The following KRT33A variants were observed in gnomAD, a reference collection of about 807,000 sequenced individuals.
KRT33A encodes keratin 33A, also known as keratin, type I cuticular Ha3-I.
A neutral mutation model predicts 41.1 loss-of-function variants in KRT33A; 44 were observed. That is an observed-to-expected ratio of 1.07 (90% CI 0.84 to 1.38). KRT33A has a LOEUF of 1.38. KRT33A is among the 40% of genes most tolerant of loss of function. The pLI is 0.00. For missense variants in KRT33A, 536 were observed against 518.5 expected, an observed-to-expected ratio of 1.03 and a Z score of -0.33; for synonymous variants, 229 against 227.8, an observed-to-expected ratio of 1.01 and a Z score of -0.05.
intron 3 of KRT33A, 44 bp downstream of exon 3, chr17:41,348,439 C>T (rs187171514): frequency 8.7e-6 from 14 of 1,609,440 alleles, no homozygotes; most frequent in Middle Eastern, 2.0e-4. Context: ...AGTTGTGAAA[C>T]AGGTCCTGGC....
chr17:41,346,853 C>T lies in KRT33A; in HGVS notation c.867G>A (p.Gln289=). The change falls in exon 5 of 7, where the codon CAG becomes CAA. Residue 289 remains glutamine, a synonymous_variant. Coordinates refer to ENST00000007735, the MANE Select transcript of KRT33A (RefSeq NM_004138.4). Reference sequence around the variant, plus strand: ...TCTGAACAATACACACCAGGTTGTGCTGGGCCTGCAGCTCGATCTCCAGGG... The same window carrying T: ...TCTGAACAATACACACCAGGTTGTGTTGGGCCTGCAGCTCGATCTCCAGGG... The part of the protein sequence containing the change: ...VNALEIELQA[Q]HNLRDSLENT... 1 of 1,612,636 alleles carries T rather than the reference C, an allele frequency of 6.2e-7. No individual in the cohort carries two copies. Among genetic ancestry groups the T allele is most frequent in the South Asian group, 1.1e-5 (1 of 91,002 alleles).
intron 2 of KRT33A, 69 bp from the exon 3 acceptor site, chr17:41,348,708 G>A: frequency 6.5e-7 from 1 of 1,532,246 alleles, no homozygotes; most frequent in Non-Finnish European, 8.9e-7. Context: ...GCTTTGGTTT[G>A]GTTAGTCAGG....
Position 41,346,897 on chromosome 17 carries a change from G to T in KRT33A, c.823C>A (p.Leu275Met). Residue 275 changes from leucine (L) to methionine (M), a missense_variant, in exon 5 of 7, where the codon CTG (leucine) becomes ATG (methionine). Coordinates refer to ENST00000007735, the MANE Select transcript of KRT33A (RefSeq NM_004138.4). Reference protein sequence around the residue: ...LQSYQAEIIELRRTVNALEIE... With the variant: ...LQSYQAEIIEMRRTVNALEIE... ...TCCAGGGCATTGACCGTGCGTCTCAGCTCGATGATCTCCGCCTGGTAGGAC... is the reference window on the plus strand; with the variant it reads ...TCCAGGGCATTGACCGTGCGTCTCATCTCGATGATCTCCGCCTGGTAGGAC... The T allele has an allele frequency of 1.9e-6, 3 of 1,613,160 alleles. No individual in the cohort carries two copies. The highest frequency in any genetic ancestry group is 8.5e-7 in the Non-Finnish European group (1 of 1,180,032).
chr17:41,350,113 T>C (rs2017483853), intron 1 of KRT33A, among the ~76,000 whole-genome samples: 1 of 152,178 alleles, frequency 6.6e-6, no homozygotes, highest in South Asian at 2.1e-4. Flanking sequence ...TCCTTTGGAC[T>C]CAGTCCTTTT....
In KRT33A at chr17:41,346,934, C is replaced by T. The variant is rs755179038; in HGVS notation, c.786G>A (p.Ser262=). 6.0e-5 allele frequency: 96 copies of T among 1,613,306 alleles called. No homozygotes were observed. Among genetic ancestry groups the T allele is most frequent in the Non-Finnish European group, 7.8e-5 (92 of 1,180,026 alleles). ...EELNKQVVSS[S]EQLQSYQAEI... Reference sequence around the variant, plus strand: ...CCGCCTGGTAGGACTGCAGCTGCTCCGAGCTGGATACCACCTGCTTGTTCA... The same window carrying T: ...CCGCCTGGTAGGACTGCAGCTGCTCTGAGCTGGATACCACCTGCTTGTTCA... Residue 262 remains serine (S), a synonymous_variant, in exon 5 of 7, where the codon TCG becomes TCA. Transcript: ENST00000007735.
chr17:41,350,507 G>A lies in KRT33A; in HGVS notation c.261C>T (p.Leu87=), dbSNP rs763422097. ...CCTGCTGCTGTGACCGCTCCCGGAT[G>A]AGGTTCTCCAGCTCCGCGTTGTCCC... ...LERDNAELEN[L]IRERSQQQEP... Residue 87 remains leucine (L), a synonymous_variant, in exon 1 of 7, where the codon CTC becomes CTT. Coordinates refer to ENST00000007735, the MANE Select transcript of KRT33A (RefSeq NM_004138.4). The A allele has an allele frequency of 3.1e-6, 5 of 1,614,154 alleles. No individual in the cohort carries two copies. The highest frequency in any genetic ancestry group is 1.3e-5 in the African/African-American group (1 of 75,020).
chr17:41,346,860 T>G lies in KRT33A; in HGVS notation c.860A>C (p.Gln287Pro), dbSNP rs752751544. Residue 287 changes from glutamine (Q) to proline (P), a missense_variant, in exon 5 of 7, where the codon CAG (glutamine) becomes CCG (proline). Gln to Pro is a moderately conservative substitution (Grantham distance 76). Coordinates refer to ENST00000007735, the MANE Select transcript of KRT33A (RefSeq NM_004138.4). ...AATACACACCAGGTTGTGCTGGGCC[T>G]GCAGCTCGATCTCCAGGGCATTGAC... ...RTVNALEIEL[Q>P]AQHNLRDSLE... The G allele has an allele frequency of 6.2e-7, 1 of 1,612,690 alleles. No individual in the cohort carries two copies. Among genetic ancestry groups the G allele is most frequent in the Non-Finnish European group, 8.5e-7 (1 of 1,180,020 alleles).
At chr17:41,347,333 C>T in intron 3 of KRT33A, 111 bp from the exon 4 acceptor site, 1 of 1,301,160 alleles carries the variant, frequency 7.7e-7, no homozygotes, top group Non-Finnish European at 1.0e-6. Context: ...ACTTTGTTCC[C>T]TCTGATCCTG....
Position 41,347,076 on chromosome 17 carries a change from T to C in KRT33A, c.735A>G (p.Gln245=). The C allele has an allele frequency of 1.2e-6, 2 of 1,613,846 alleles. No individual in the cohort carries two copies. Among genetic ancestry groups the C allele is most frequent in the Non-Finnish European group, 1.7e-6 (2 of 1,179,834 alleles). The change falls in exon 4 of 7, where the codon CAA becomes CAG. Residue 245 remains glutamine, a synonymous_variant. Coordinates refer to ENST00000007735, the MANE Select transcript of KRT33A (RefSeq NM_004138.4). ...AGATGCCCACCTGCGTGGCGAACCA[T>C]TGCTCCACTTCCCTGCGGTTGGTTT... The part of the protein sequence containing the change: ...LVETNRREVE[Q]WFATQTEELN...
Position 41,349,332 on chromosome 17 carries a change from G to A in KRT33A, c.431+14C>T, listed in dbSNP as rs573656949. On this transcript the variant is annotated intron_variant, in intron 2 of 6. Transcript: ENST00000007735. Reference sequence around the variant, plus strand: ...GAAGAGAAATAAACAGCAACACCCCGCTTGCCCACTCACTTGGTCCTGAAG... The same window carrying A: ...GAAGAGAAATAAACAGCAACACCCCACTTGCCCACTCACTTGGTCCTGAAG... 1.6e-5 allele frequency: 26 copies of A among 1,612,824 alleles called. No homozygotes were observed. Among genetic ancestry groups the A allele is most frequent in the African/African-American group, 5.3e-5 (4 of 74,874 alleles).
At chr17:41,350,136 G>A (rs964687972) in intron 1 of KRT33A, among the ~76,000 whole-genome samples, 6 of 152,186 alleles carry the variant, frequency 3.9e-5, no homozygotes, top group African/African-American at 1.4e-4. Context: ...CTCACCTCAG[G>A]GTAATAATTC....
chr17:41,346,856 G>A lies in KRT33A; in HGVS notation c.864C>T (p.Ala288=). Residue 288 remains alanine (A), a synonymous_variant, in exon 5 of 7, where the codon GCC becomes GCT. Transcript: ENST00000007735. ...GAACAATACACACCAGGTTGTGCTG[G>A]GCCTGCAGCTCGATCTCCAGGGCAT... ...TVNALEIELQ[A]QHNLRDSLEN... 1.2e-6 allele frequency: 2 copies of A among 1,612,642 alleles called. No homozygotes were observed.
In KRT33A at chr17:41,348,466, C is replaced by T. The variant is rs1174300017; in HGVS notation, c.588+17G>A. 1.9e-6 allele frequency: 3 copies of T among 1,613,568 alleles called. No homozygotes were observed. Among genetic ancestry groups the T allele is most frequent in the East Asian group, 2.2e-5 (1 of 44,884 alleles). The stretch of plus-strand genomic sequence containing the variant: ...GGTCCTGGCTAGTCTGAGCCCATCA[C>T]TCTTCAGGGAACTCACCTGCTCATG... On this transcript the variant is annotated intron_variant, in intron 3 of 6. Coordinates refer to ENST00000007735, the MANE Select transcript of KRT33A (RefSeq NM_004138.4).
chr17:41,350,745 G>A lies in KRT33A; in HGVS notation c.23C>T (p.Pro8Leu), dbSNP rs1338234326. The change falls in exon 1 of 7, where the codon CCC (proline) becomes CTC (leucine). Residue 8 changes from proline (P) to leucine (L), a missense_variant. Pro to Leu is a moderately conservative substitution (Grantham distance 98). Transcript: ENST00000007735. MSYSCGL[P>L]SLSCRTSCSS... The stretch of plus-strand genomic sequence containing the variant: ...GCAGCTGGTGCGGCAGCTCAGGCTG[G>A]GCAGGCCACAACTGTAAGACATGGT... 28 of 1,611,792 alleles carry A rather than the reference G, an allele frequency of 1.7e-5. No homozygotes were observed. The highest frequency in any genetic ancestry group is 2.4e-5 in the Non-Finnish European group (28 of 1,179,560).
At chr17:41,349,053 A>G (rs1343815029) in intron 2 of KRT33A, among the ~76,000 whole-genome samples, 2 of 152,200 alleles carry the variant, frequency 1.3e-5, no homozygotes, top group African/African-American at 4.8e-5. Flanking sequence ...CACATTCTCC[A>G]TTCTCATGAA....
chr17:41,347,003 T>G, intron 4 of KRT33A, 34 bp from the exon 5 acceptor site: 2 of 1,612,592 alleles, frequency 1.2e-6, no homozygotes, highest in East Asian at 4.5e-5. Flanking sequence ...GATCAGACCC[T>G]GCCTCCGGGG....
In KRT33A at chr17:41,347,122, C is replaced by T. The variant is rs141040307; in HGVS notation, c.689G>A (p.Ser230Asn). 30 of 1,614,114 alleles carry T rather than the reference C, an allele frequency of 1.9e-5. No homozygotes were observed. Among genetic ancestry groups the T allele is most frequent in the South Asian group, 3.3e-5 (3 of 91,094 alleles). The change falls in exon 4 of 7, where the codon AGT becomes AAT. Residue 230 changes from serine to asparagine, a missense_variant. Transcript: ENST00000007735. The stretch of plus-strand genomic sequence containing the variant: ...GGTTTCCACCAGGGCCTCATACTGA[C>T]TCCTGGTCTCATTCAGGACCTGGTT... ...DLNQVLNETR[S>N]QYEALVETNR...
At chr17:41,350,362 A>C in intron 1 of KRT33A, 58 bp downstream of exon 1, 1 of 1,574,342 alleles carries the variant, frequency 6.4e-7, no homozygotes. Context: ...TCTCAATCAC[A>C]ACTCGGATTC....
Position 41,348,482 on chromosome 17 carries a change from C to T in KRT33A, c.588+1G>A. The T allele has an allele frequency of 6.2e-7, 1 of 1,613,966 alleles. No individual in the cohort carries two copies. The highest frequency in any genetic ancestry group is 8.5e-7 in the Non-Finnish European group (1 of 1,180,020). On this transcript the variant is annotated splice_donor_variant, in intron 3 of 6. Transcript: ENST00000007735. LOFTEE classifies it high-confidence loss of function. The stretch of plus-strand genomic sequence containing the variant: ...AGCCCATCACTCTTCAGGGAACTCA[C>T]CTGCTCATGGTTCTGCTTGAGGCAC...
Sources: gnomAD v4.1 joint callset for allele counts (sites outside exome capture counted in the v4.1 genomes callset) on GRCh38, gnomAD v4.1.1 for gene constraint, MANE v1.5 for transcripts, NCBI Gene and HGNC (gene_info 2026-07-23, HGNC 2026-07-21) for gene names.